ITPR2: variants seen among roughly 807,000 people sequenced by gnomAD.
ITPR2 encodes inositol 1,4,5-trisphosphate-gated calcium channel ITPR2.
A neutral mutation model predicts 317.1 loss-of-function variants in ITPR2; 207 were observed. That is an observed-to-expected ratio of 0.65 (90% CI 0.58 to 0.73). ITPR2 has a LOEUF of 0.73. Among genes scored for constraint, ITPR2 ranks in the 30% least tolerant of loss-of-function variants. The probability of loss-of-function intolerance (pLI) is 0.00; values close to 1 mark genes in which losing one functional copy is unlikely to be tolerated. For synonymous variants in ITPR2, 1,156 were observed against 1,149.1 expected, an observed-to-expected ratio of 1.01 and a Z score of -0.12; for missense variants, 2,613 against 3,284.0, an observed-to-expected ratio of 0.80 and a Z score of 4.99.
intron 52 of ITPR2, chr12:26,406,734 T>C (rs1404943100): frequency 6.6e-6 from 1 of 152,236 alleles, no homozygotes; most frequent in Non-Finnish European, 1.5e-5. Context: ...AAGTGACACA[T>C]GCTGCACAAC....
Position 26,659,164 on chromosome 12 carries a change from G to A in ITPR2, c.1835C>T (p.Ala612Val). The A allele has an allele frequency of 6.2e-7, 1 of 1,613,352 alleles. No individual in the cohort carries two copies. The highest frequency in any genetic ancestry group is 8.5e-7 in the Non-Finnish European group (1 of 1,179,580). The change falls in exon 16 of 57, where the codon GCA becomes GTA. Residue 612 changes from alanine to valine, a missense_variant. Physicochemically the swap from Ala to Val is moderately conservative, Grantham distance 64. Transcript: ENST00000381340. ...NRKLLEKHITAKEIETFVSLL... is the reference protein window; with the variant it reads ...NRKLLEKHITVKEIETFVSLL... The stretch of plus-strand genomic sequence containing the variant: ...ACTGACAAATGTTTCTATTTCTTTT[G>A]CTGTGATATGTTTCTCTAGTAGTTT...
chr12:26,455,391 A>T (rs142780597), intron 45 of ITPR2, among the ~76,000 whole-genome samples: 2 of 145,652 alleles, frequency 1.4e-5, no homozygotes, highest in African/African-American at 5.0e-5. Context: ...TGTGAGATAG[A>T]GTGGTTCTTA....
At chr12:26,450,061 G>A (rs996990248) in intron 45 of ITPR2, among the ~76,000 whole-genome samples, 1 of 152,072 alleles carries the variant, frequency 6.6e-6, no homozygotes, top group African/African-American at 2.4e-5. Flanking sequence ...TGACACAGGA[G>A]AGACTGGGTG....
At position 26,489,037 on chromosome 12, in the gene ITPR2, C is replaced by A. The variant is rs190521229; in HGVS notation, c.5371-1786G>T. Among the ~76,000 whole-genome samples, 12 of 152,132 alleles carry A rather than the reference C, an allele frequency of 7.9e-5. No homozygotes were observed. In the East Asian group the frequency reaches 1.9e-3, roughly 24 times the overall value. ...ACTAAATGTATAAAACAACCTCTTA[C>A]GATGAAAATGCTAGATTATTTACAT... is the stretch of plus-strand genomic sequence containing the variant. On this transcript the variant is annotated intron_variant, in intron 39 of 56. Transcript: ENST00000381340.
chr12:26,782,395 TAA>T (rs796278759), intron 2 of ITPR2, among the ~76,000 whole-genome samples: 1 of 136,756 alleles, frequency 7.3e-6, no homozygotes, highest in Admixed American at 7.3e-5. Flanking sequence ...TTAAAAGAAC[TAA>T]AAAAAAAAAA....
chr12:26,605,026 G>A (rs1308358689), intron 26 of ITPR2, among the ~76,000 whole-genome samples: 2 of 150,418 alleles, frequency 1.3e-5, no homozygotes, highest in Admixed American at 6.6e-5. Context: ...AGGCGGAGGT[G>A]GCAGTGAGCC....
intron 2 of ITPR2, among the ~76,000 whole-genome samples, chr12:26,783,902 C>G (rs1035067472): frequency 6.6e-6 from 1 of 152,030 alleles, no homozygotes; most frequent in African/African-American, 2.4e-5. Context: ...AGACTAAGAC[C>G]GGGTCACAGA....
intron 55 of ITPR2, among the ~76,000 whole-genome samples, chr12:26,361,936 T>C (rs536912599): frequency 6.6e-6 from 1 of 152,356 alleles, no homozygotes; most frequent in South Asian, 2.1e-4. Flanking sequence ...CAATGTATGG[T>C]GTAAATTTTC....
intron 49 of ITPR2, 97 bp downstream of exon 49, chr12:26,427,816 C>T (rs1009753920): frequency 1.5e-6 from 1 of 679,000 alleles, no homozygotes; most frequent in South Asian, 7.3e-5. Flanking sequence ...TAGAATTCAC[C>T]ATGCATACAT....
intron 2 of ITPR2, among the ~76,000 whole-genome samples, chr12:26,777,724 A>G (rs1028787478): frequency 6.6e-6 from 1 of 152,160 alleles, no homozygotes; most frequent in Admixed American, 6.5e-5. Flanking sequence ...CCTTCAATCA[A>G]TTTTCAGACT....
At chr12:26,742,610 T>A (rs1457466858) in intron 2 of ITPR2, among the ~76,000 whole-genome samples, 2 of 151,298 alleles carry the variant, frequency 1.3e-5, no homozygotes, top group African/African-American at 4.9e-5. Context: ...AGGTCAGGAG[T>A]TTGAGACCAG....
intron 48 of ITPR2, among the ~76,000 whole-genome samples, chr12:26,431,985 C>A (rs1941222372): frequency 1.3e-5 from 2 of 152,100 alleles, no homozygotes; most frequent in South Asian, 4.2e-4. Context: ...AGCTTCTATA[C>A]CGAGTCAAGG....
intron 37 of ITPR2, among the ~76,000 whole-genome samples, chr12:26,530,665 T>C (rs1001788670): frequency 2.6e-5 from 4 of 152,178 alleles, no homozygotes; most frequent in Admixed American, 2.6e-4. Context: ...CCTTCAATTC[T>C]CCCCTACTGG....
chr12:26,492,583 T>C (rs1357886623), intron 39 of ITPR2, among the ~76,000 whole-genome samples: 1 of 152,222 alleles, frequency 6.6e-6, no homozygotes, highest in Non-Finnish European at 1.5e-5. Context: ...TAAGTCTGAA[T>C]AGTATTCTGT....
intron 55 of ITPR2, among the ~76,000 whole-genome samples, chr12:26,341,653 G>A: frequency 6.6e-6 from 1 of 152,212 alleles, no homozygotes; most frequent in South Asian, 2.1e-4. Flanking sequence ...GCATTTCAAA[G>A]GTGAACAGTA....
At chr12:26,671,829 G>T (rs1947779976) in intron 13 of ITPR2, among the ~76,000 whole-genome samples, 1 of 152,122 alleles carries the variant, frequency 6.6e-6, no homozygotes, top group African/African-American at 2.4e-5. Flanking sequence ...GACACACATA[G>T]GCTCAAAATA....
Position 26,657,756 on chromosome 12 carries a change from C to G in ITPR2, c.2143G>C (p.Glu715Gln). Residue 715 changes from glutamate to glutamine, a missense_variant, in exon 18 of 57, where the codon GAG (glutamate) becomes CAG (glutamine). This residue lies in a region of ITPR2 where 817 missense variants were observed against 897.6 expected (regional missense o/e 0.91). Transcript: ENST00000381340. ...TCAGCTTTGGTGCCTTCTTTTGCCT[C>G]TTGAGCAAGGTGCCTGATAGCTTTG... ...HGKAIRHLAQEAKEGTKADLE... is the reference protein window; with the variant it reads ...HGKAIRHLAQQAKEGTKADLE... 1 of 1,614,144 alleles carries G rather than the reference C, an allele frequency of 6.2e-7. No homozygotes were observed. The highest frequency in any genetic ancestry group is 8.5e-7 in the Non-Finnish European group (1 of 1,180,016).
At chr12:26,706,498 T>TACA (rs1948555142) in intron 9 of ITPR2, among the ~76,000 whole-genome samples, 5 of 152,150 alleles carry the variant, frequency 3.3e-5, no homozygotes, top group African/African-American at 1.2e-4. Context: ...CTTCCTTGTG[T>TACA]ACAAGCTGCC....
chr12:26,699,619 C>T (rs1047374897), intron 9 of ITPR2, among the ~76,000 whole-genome samples: 13 of 151,674 alleles, frequency 8.6e-5, no homozygotes, highest in Admixed American at 3.3e-4. Context: ...CCTCAGTAAA[C>T]TCAATAAAGT....
Sources: allele counts gnomAD v4.1 joint callset (sites outside exome capture counted in the v4.1 genomes callset), GRCh38; gene constraint gnomAD v4.1.1; regional missense constraint gnomAD v4.1.1; transcripts MANE v1.5; gene names NCBI Gene and HGNC (gene_info 2026-07-23, HGNC 2026-07-21).